The following TCOF1 variants were observed in gnomAD, a reference collection of about 807,000 sequenced individuals.
The protein encoded by TCOF1 is treacle protein.
Under a neutral mutation model 149.0 loss-of-function variants are expected in TCOF1, and 33 were observed. The ratio of observed to expected loss-of-function variants is 0.22; its 90% confidence interval spans 0.17 to 0.30. The LOEUF (loss-of-function observed/expected upper bound fraction) is 0.30, where lower values mean the gene tolerates loss of function less well. TCOF1 is among the 10% of genes least tolerant of loss of function. The pLI is 1.00. For missense variants in TCOF1, 1,728 were observed against 1,840.7 expected (o/e 0.94, Z 1.12); for synonymous variants, 789 against 738.8 (o/e 1.07, Z -1.10).
At chr5:150,385,617 G>T (rs1240618672) in intron 17 of TCOF1, among the ~76,000 whole-genome samples, 1 of 152,150 alleles carries the variant, frequency 6.6e-6, no homozygotes, top group African/African-American at 2.4e-5. Context: ...GCCAGGGTCC[G>T]CAGCCTAGGC....
intron 4 of TCOF1, 86 bp downstream of exon 4, chr5:150,368,003 G>A (rs772864597): frequency 1.1e-4 from 160 of 1,482,492 alleles, no homozygotes; most frequent in Non-Finnish European, 1.4e-4. Flanking sequence ...GAAGGATAGG[G>A]TTGTGAGTAA....
chr5:150,358,948 C>A (rs1759341270), intron 1 of TCOF1, among the ~76,000 whole-genome samples: 1 of 151,428 alleles, frequency 6.6e-6, no homozygotes, highest in East Asian at 1.9e-4. Context: ...AAAGTCCACT[C>A]TCTTGAGCCC....
intron 5 of TCOF1, 58 bp from the exon 6 acceptor site, chr5:150,369,471 G>T: frequency 6.2e-7 from 1 of 1,600,424 alleles, no homozygotes; most frequent in South Asian, 1.1e-5. Flanking sequence ...AGGTGCTGGG[G>T]AGGGGCAGGT....
rs141464979 is a variant in TCOF1 at position 150,399,393 on chromosome 5, C to T, written c.*22+323C>T. Among the ~76,000 whole-genome samples, 28 of 152,278 alleles carry T rather than the reference C, an allele frequency of 1.8e-4. No individual in the cohort carries two copies. The East Asian group carries it at 5.2e-3, about 28-fold the overall frequency. On this transcript the variant is annotated intron_variant, in intron 26 of 26. Coordinates refer to ENST00000643257, the MANE Select transcript of TCOF1 (RefSeq NM_001371623.1). ...CGGATACAGCTTGGTTCCTCCTTCACTTGTGAGCGGTTCATTTTCCTCATG... is the reference window on the plus strand; with the variant it reads ...CGGATACAGCTTGGTTCCTCCTTCATTTGTGAGCGGTTCATTTTCCTCATG...
intron 17 of TCOF1, among the ~76,000 whole-genome samples, chr5:150,386,096 T>C (rs1302692868): frequency 5.3e-5 from 8 of 152,164 alleles, no homozygotes; most frequent in Non-Finnish European, 7.4e-5. Context: ...CTGGGCAAGC[T>C]TCACTGCCCA....
chr5:150,375,411 G>A lies in TCOF1; in HGVS notation c.1561G>A (p.Ala521Thr), dbSNP rs1298957331. 7 of 1,613,148 alleles carry A rather than the reference G, an allele frequency of 4.3e-6. No individual in the cohort carries two copies. Among genetic ancestry groups the A allele is most frequent in the East Asian group, 2.2e-5 (1 of 44,852 alleles). ...TMGMGPLGKG[A>T]GPVPPGKVGP... ...GGGCATGGGGCCCTTGGGGAAAGGC[G>A]CCGGCCCAGTGCCACCCGGGAAGGT... Residue 521 changes from alanine (A) to threonine (T), a missense_variant, in exon 11 of 27, where the codon GCC becomes ACC. Ala to Thr is a moderately conservative substitution (Grantham distance 58, BLOSUM62 0). Coordinates refer to ENST00000643257, the MANE Select transcript of TCOF1 (RefSeq NM_001371623.1).
rs529188478 is a variant in TCOF1 at position 150,367,463 on chromosome 5, C to T, written c.305-381C>T. ...CCTGCCTGACCACTGCCCCTTCTTG[C>T]CGAACAGCTTTCAGGGCTACAGTGT... is the stretch of plus-strand genomic sequence containing the variant. On this transcript the variant is annotated intron_variant, in intron 3 of 26. Transcript: ENST00000643257. The T allele has an allele frequency of 4.9e-5, 12 of 243,408 alleles. No homozygotes were observed. The East Asian group carries it at 1.2e-3, about 24-fold the overall frequency. The allele number at this position is 243,408 out of a possible 1,614,324, so 15.1% of individuals were successfully genotyped here. A position where few individuals can be genotyped will look rare whatever the true frequency, so the allele number is the denominator to read the frequency against.
intron 1 of TCOF1, among the ~76,000 whole-genome samples, chr5:150,359,886 G>A (rs570805667): frequency 4.6e-5 from 7 of 152,218 alleles, no homozygotes; most frequent in Non-Finnish European, 7.3e-5. Flanking sequence ...TATAAGTAGG[G>A]TAGTCAAGGA....
At position 150,376,630 on chromosome 5, in the gene TCOF1, A is replaced by G; in HGVS notation, c.2340+10A>G. The G allele has an allele frequency of 1.9e-6, 3 of 1,555,210 alleles. No individual in the cohort carries two copies. Among genetic ancestry groups the G allele is most frequent in the South Asian group, 2.4e-5 (2 of 84,720 alleles). On this transcript the variant is annotated intron_variant, in intron 14 of 26. Coordinates refer to ENST00000643257, the MANE Select transcript of TCOF1 (RefSeq NM_001371623.1). ...TGCATCTCCAGCACAGGTGAGGCCT[A>G]GAAGGAGCAGGCCCATCCCACCCAC... is the stretch of plus-strand genomic sequence containing the variant.
intron 4 of TCOF1, chr5:150,368,302 G>T (rs899087688): frequency 2.9e-6 from 1 of 350,056 alleles, no homozygotes. Context: ...AACTCTAAAA[G>T]CATTTTCCAA....
chr5:150,392,650 T>C, intron 21 of TCOF1, 55 bp from the exon 22 acceptor site: 1 of 1,593,356 alleles, frequency 6.3e-7, no homozygotes, highest in African/African-American at 1.3e-5. Context: ...GGCTCTGCCC[T>C]TCCCGGCTGG....
intron 18 of TCOF1, 137 bp from the exon 19 acceptor site, chr5:150,389,750 A>G (rs1767026418): frequency 1.3e-6 from 2 of 1,504,178 alleles, no homozygotes; most frequent in African/African-American, 1.4e-5. Context: ...AGAGGGAAGT[A>G]AACAAGCTTC....
Position 150,396,599 on chromosome 5 carries a change from C to A in TCOF1, c.4102C>A (p.Leu1368Met). 1 of 1,583,794 alleles carries A rather than the reference C, an allele frequency of 6.3e-7. No individual in the cohort carries two copies. ...RTPRSKKKKK[L>M]GAGEGGEASV... The stretch of plus-strand genomic sequence containing the variant: ...CCCCAGGAGCAAGAAGAAGAAGAAG[C>A]TGGGGGCCGGGGAAGGTGGGGAGGC... Residue 1368 changes from leucine to methionine, a missense_variant, in exon 24 of 27, where the codon CTG becomes ATG. Leu to Met is a conservative substitution (Grantham distance 15). This residue lies in a region of TCOF1 where 1,696 missense variants were observed against 1,765.4 expected (regional missense o/e 0.96). Transcript: ENST00000643257.
chr5:150,359,233 G>T (rs1414572938), intron 1 of TCOF1, among the ~76,000 whole-genome samples: 1 of 151,308 alleles, frequency 6.6e-6, no homozygotes, highest in Non-Finnish European at 1.5e-5. Flanking sequence ...TGTAGTCCCA[G>T]TTACTCGGGA....
At chr5:150,377,680 C>A (rs978929910) in intron 14 of TCOF1, among the ~76,000 whole-genome samples, 8 of 152,196 alleles carry the variant, frequency 5.3e-5, no homozygotes, top group African/African-American at 1.9e-4. Context: ...TCTGCAGGGG[C>A]CCCTTCCAGA....
chr5:150,393,129 TTAA>T, intron 22 of TCOF1: 1 of 597,414 alleles, frequency 1.7e-6, no homozygotes, highest in South Asian at 2.0e-5. Context: ...TCCATTTGTA[TTAA>T]TAAGAAATTT....
intron 17 of TCOF1, among the ~76,000 whole-genome samples, chr5:150,386,847 C>T (rs993341922): frequency 6.6e-6 from 1 of 152,232 alleles, no homozygotes; most frequent in African/African-American, 2.4e-5. Context: ...TGAACATGTT[C>T]AGGGATGGTG....
chr5:150,365,267 T>C (rs1365139155), intron 3 of TCOF1, among the ~76,000 whole-genome samples: 1 of 149,138 alleles, frequency 6.7e-6, no homozygotes. Context: ...TTTTTTTTTT[T>C]TTTTTTAATA....
chr5:150,371,964 A>G, intron 6 of TCOF1, 42 bp from the exon 7 acceptor site: 4 of 1,563,242 alleles, frequency 2.6e-6, no homozygotes, highest in Non-Finnish European at 3.5e-6. Flanking sequence ...AGGGGGAAAC[A>G]GTAATTATTA....
Sources: gnomAD v4.1 joint callset for allele counts (sites outside exome capture counted in the v4.1 genomes callset) on GRCh38, gnomAD v4.1.1 for gene constraint, gnomAD v4.1.1 regional missense constraint, MANE v1.5 for transcripts, NCBI Gene and HGNC (gene_info 2026-07-23, HGNC 2026-07-21) for gene names.